RIMKLB: variants seen among roughly 807,000 people sequenced by gnomAD.
The protein encoded by RIMKLB is beta-citrylglutamate synthase B.
RIMKLB carries 7 observed loss-of-function variants against 32.0 expected under a neutral mutation model. The observed-to-expected ratio is 0.22, with a 90% confidence interval of 0.12 to 0.41. The LOEUF is 0.41. Among genes scored for constraint, RIMKLB ranks in the 10% least tolerant of loss-of-function variants. RIMKLB has a pLI of 1.00. For synonymous variants in RIMKLB, 172 were observed against 185.1 expected, an observed-to-expected ratio of 0.93 and a Z score of 0.57; for missense variants, 289 against 498.7, an observed-to-expected ratio of 0.58 and a Z score of 4.00.
At chr12:8,711,732 A>G (rs182000938) in intron 1 of RIMKLB, among the ~76,000 whole-genome samples, 7 of 151,180 alleles carry the variant, frequency 4.6e-5, no homozygotes, top group Admixed American at 4.6e-4. Flanking sequence ...GGGATATTCT[A>G]CGTCAGGTAT....
upstream of RIMKLB, among the ~76,000 whole-genome samples, chr12:8,694,478 C>T (rs1311199736): frequency 2.9e-5 from 4 of 140,202 alleles, no homozygotes; most frequent in African/African-American, 1.0e-4. Context: ...TTGCTGCAAC[C>T]TCCACCCCCA....
the RIMKLB span, chr12:8,668,873 C>T: frequency 6.6e-6 from 1 of 151,974 alleles, no homozygotes; most frequent in Non-Finnish European, 1.5e-5. Context: ...TCAACAGAAA[C>T]GTTGGGAAAA....
At chr12:8,710,303 C>G (rs1944264741) in intron 1 of RIMKLB, among the ~76,000 whole-genome samples, 2 of 146,712 alleles carry the variant, frequency 1.4e-5, no homozygotes, top group African/African-American at 2.6e-5. Flanking sequence ...TTGTTTGTTT[C>G]CTTCTTTTTT....
At chr12:8,720,346 G>A (rs1945314106) in intron 2 of RIMKLB, among the ~76,000 whole-genome samples, 1 of 152,178 alleles carries the variant, frequency 6.6e-6, no homozygotes, top group Non-Finnish European at 1.5e-5. Flanking sequence ...ATACTTTTGA[G>A]TTCAATCTTT....
downstream of RIMKLB, chr12:8,777,208 TTGC>T (rs1950774610): frequency 1.0e-6 from 1 of 960,906 alleles, no homozygotes; most frequent in African/African-American, 1.9e-5. Context: ...GACTGCTTGC[TTGC>T]TTTCTTTTTT....
chr12:8,732,402 A>T (rs1946624513), intron 2 of RIMKLB, among the ~76,000 whole-genome samples: 1 of 152,168 alleles, frequency 6.6e-6, no homozygotes, highest in South Asian at 2.1e-4. Context: ...CCATTAATTG[A>T]AGTCACAGTC....
chr12:8,680,576 A>T (rs1422143183), upstream of RIMKLB, among the ~76,000 whole-genome samples: 1 of 152,176 alleles, frequency 6.6e-6, no homozygotes, highest in Non-Finnish European at 1.5e-5. Context: ...TTTCTTGATA[A>T]ACTTGCTTTT....
the RIMKLB span, among the ~76,000 whole-genome samples, chr12:8,671,608 C>A: frequency 2.0e-5 from 3 of 151,436 alleles, no homozygotes; most frequent in Admixed American, 6.6e-5. Flanking sequence ...TTATGCTCTG[C>A]TTTCCTTATA....
chr12:8,745,639 C>T (rs777073527), intron 2 of RIMKLB, among the ~76,000 whole-genome samples: 3 of 151,384 alleles, frequency 2.0e-5, no homozygotes, highest in South Asian at 2.1e-4. Context: ...GGTAATCCAC[C>T]CTCCTCAGCC....
At chr12:8,718,417 C>T (rs1008252860) in intron 2 of RIMKLB, among the ~76,000 whole-genome samples, 9 of 152,160 alleles carry the variant, frequency 5.9e-5, no homozygotes, top group African/African-American at 1.4e-4. Context: ...AATCCGAGGC[C>T]GGCAGATCGC....
intron 2 of RIMKLB, among the ~76,000 whole-genome samples, chr12:8,744,184 C>T (rs1399331271): frequency 2.6e-5 from 4 of 151,944 alleles, no homozygotes; most frequent in African/African-American, 9.7e-5. Flanking sequence ...AGGCAGAGTC[C>T]TAAGAGATGC....
intron 1 of RIMKLB, among the ~76,000 whole-genome samples, chr12:8,703,227 G>A (rs1481808579): frequency 2.0e-5 from 3 of 151,968 alleles, no homozygotes; most frequent in Non-Finnish European, 4.4e-5. Context: ...CAGGTTGCAG[G>A]GAGCCAAGAT....
At chr12:8,711,265 T>G (rs1565561121) in intron 1 of RIMKLB, among the ~76,000 whole-genome samples, 1 of 151,678 alleles carries the variant, frequency 6.6e-6, no homozygotes, top group African/African-American at 2.4e-5. Flanking sequence ...CTGATGTGAT[T>G]TGCTCCTGTC....
intron 3 of RIMKLB, among the ~76,000 whole-genome samples, chr12:8,750,486 G>A (rs768344097): frequency 5.3e-5 from 8 of 152,014 alleles, no homozygotes; most frequent in Middle Eastern, 6.8e-3. Flanking sequence ...CAACCTCTGT[G>A]GTAAAAGATA....
chr12:8,682,440 G>C (rs1942433714), intron 1 of RIMKLB, among the ~76,000 whole-genome samples: 4 of 152,154 alleles, frequency 2.6e-5, no homozygotes, highest in Admixed American at 2.6e-4. Flanking sequence ...GTTGAGTACT[G>C]ATATTTTAAA....
intron 4 of RIMKLB, among the ~76,000 whole-genome samples, chr12:8,752,396 AC>A (rs1948685644): frequency 6.6e-6 from 1 of 152,196 alleles, no homozygotes; most frequent in South Asian, 2.1e-4. Flanking sequence ...AACTAAAAAT[AC>A]AAAAATTAGC....
At chr12:8,722,670 C>G (rs756398324) in intron 2 of RIMKLB, among the ~76,000 whole-genome samples, 2 of 152,320 alleles carry the variant, frequency 1.3e-5, no homozygotes, top group South Asian at 4.1e-4. Flanking sequence ...CATCTTCTTC[C>G]AGCAAAAGGC....
intron 1 of RIMKLB, among the ~76,000 whole-genome samples, chr12:8,689,946 C>G (rs1450625657): frequency 6.6e-6 from 1 of 152,110 alleles, no homozygotes; most frequent in Non-Finnish European, 1.5e-5. Flanking sequence ...ATCCCCATTT[C>G]TCTAGTGACA....
intron 2 of RIMKLB, among the ~76,000 whole-genome samples, chr12:8,717,607 T>C (rs1944989191): frequency 6.6e-6 from 1 of 152,232 alleles, no homozygotes; most frequent in Non-Finnish European, 1.5e-5. Context: ...CATTCTCCCT[T>C]ACTTCCAGAT....
Sources: gnomAD v4.1 joint callset for allele counts (sites outside exome capture counted in the v4.1 genomes callset) on GRCh38, gnomAD v4.1.1 for gene constraint, MANE v1.5 for transcripts, NCBI Gene and HGNC (gene_info 2026-07-23, HGNC 2026-07-21) for gene names.